The following AGTPBP1 variants were observed in gnomAD, a reference collection of about 807,000 sequenced individuals.
AGTPBP1 encodes the protein ATP/GTP binding carboxypeptidase 1.
In AGTPBP1, 70 loss-of-function variants were observed where a neutral mutation model predicts 143.9. The observed-to-expected ratio is 0.49, with a 90% confidence interval of 0.40 to 0.59. The LOEUF (loss-of-function observed/expected upper bound fraction) is 0.59. AGTPBP1 is among the 20% of genes least tolerant of loss of function. The pLI, the probability that AGTPBP1 is intolerant of heterozygous loss-of-function variation, is 0.00. For missense variants in AGTPBP1, 1,229 were observed against 1,464.5 expected, an observed-to-expected ratio of 0.84 and a Z score of 2.62; for synonymous variants, 463 against 500.2, an observed-to-expected ratio of 0.93 and a Z score of 0.99.
At chr9:85,718,501 CT>C (rs1367125444) in intron 1 of AGTPBP1, among the ~76,000 whole-genome samples, 1 of 152,158 alleles carries the variant, frequency 6.6e-6, no homozygotes, top group African/African-American at 2.4e-5. Context: ...CCTTTGCCCA[CT>C]TTTTGATGGG....
chr9:85,657,343 G>A (rs1349880551), intron 10 of AGTPBP1, 92 bp downstream of exon 10: 25 of 1,112,288 alleles, frequency 2.2e-5, no homozygotes, highest in African/African-American at 3.2e-5. Flanking sequence ...CTGTGTATAC[G>A]TTTCTGAGTA....
the AGTPBP1 span, among the ~76,000 whole-genome samples, chr9:85,756,957 GC>G: frequency 1.5e-5 from 2 of 136,838 alleles, no homozygotes; most frequent in Admixed American, 6.9e-5. Context: ...GGGGGATTGG[GC>G]GGGGGAAATA....
chr9:85,621,956 C>T (rs1564072615), intron 14 of AGTPBP1, among the ~76,000 whole-genome samples: 1 of 152,152 alleles, frequency 6.6e-6, no homozygotes, highest in South Asian at 2.1e-4. Flanking sequence ...AATCTTTACC[C>T]CATCAATATT....
intron 25 of AGTPBP1, among the ~76,000 whole-genome samples, chr9:85,567,743 A>T (rs964785504): frequency 6.6e-6 from 1 of 152,240 alleles, no homozygotes; most frequent in African/African-American, 2.4e-5. Context: ...GAATTTACCT[A>T]GACTGTAGCA....
At chr9:85,594,631 C>T (rs62566900) in intron 18 of AGTPBP1, among the ~76,000 whole-genome samples, 2,519 of 152,154 alleles carry the variant, frequency 0.017, 29 homozygotes, top group Middle Eastern at 0.054. Flanking sequence ...ATACCTCAGG[C>T]TTCAGGAAAA....
chr9:85,712,394 ATAT>A (rs952047779), intron 2 of AGTPBP1, 105 bp downstream of exon 2: 8 of 534,512 alleles, frequency 1.5e-5, no homozygotes, highest in South Asian at 4.3e-5. Context: ...TAAATATAAC[ATAT>A]TATACTTAAA....
Position 85,547,111 on chromosome 9 carries a change from A to G in AGTPBP1, c.3679T>C (p.Ter1227ArgextTer13). The G allele has an allele frequency of 6.3e-7, 1 of 1,599,500 alleles. No homozygotes were observed. The highest frequency in any genetic ancestry group is 2.3e-5 in the East Asian group (1 of 44,218). The stretch of plus-strand genomic sequence containing the variant: ...GTTAACAAGAGATGGCAGCGGGCTC[A>G]AGGTAGGTATGTTCTTGATAATTCA... ...DSELSRTYLP* is the reference protein window; with the variant it reads ...DSELSRTYLPR Residue 1227 changes from the stop codon to arginine, a stop_lost, in exon 26 of 26, where the codon TGA becomes CGA. Coordinates refer to ENST00000357081, the MANE Select transcript of AGTPBP1 (RefSeq NM_001330701.2).
the AGTPBP1 span, among the ~76,000 whole-genome samples, chr9:85,758,554 G>C: frequency 6.6e-6 from 1 of 152,136 alleles, no homozygotes; most frequent in Non-Finnish European, 1.5e-5. Flanking sequence ...TGAGGCAGGA[G>C]AATCACTTGA....
the AGTPBP1 span, among the ~76,000 whole-genome samples, chr9:85,761,228 C>T: frequency 8.3e-4 from 126 of 152,294 alleles, 1 homozygote; most frequent in African/African-American, 8.4e-4. Flanking sequence ...AATGCCATCC[C>T]CATCAAGCTA....
chr9:85,674,513 T>C (rs1834701706), intron 6 of AGTPBP1, among the ~76,000 whole-genome samples: 1 of 152,094 alleles, frequency 6.6e-6, no homozygotes, highest in Non-Finnish European at 1.5e-5. Flanking sequence ...TTTTTTTAAA[T>C]GAATTTTCTG....
chr9:85,648,767 G>A (rs1410335050), intron 11 of AGTPBP1, among the ~76,000 whole-genome samples: 4 of 152,034 alleles, frequency 2.6e-5, no homozygotes, highest in Non-Finnish European at 5.9e-5. Context: ...AGCTGAGATC[G>A]CGCCACTGCA....
intron 23 of AGTPBP1, among the ~76,000 whole-genome samples, chr9:85,581,401 A>G (rs1465682765): frequency 6.6e-6 from 1 of 152,236 alleles, no homozygotes; most frequent in Non-Finnish European, 1.5e-5. Flanking sequence ...ATCCCTACCT[A>G]CATCACAGAG....
intron 2 of AGTPBP1, 138 bp from the exon 3 acceptor site, chr9:85,692,951 CT>C (rs748269373): frequency 3.2e-5 from 29 of 915,772 alleles, no homozygotes; most frequent in Non-Finnish European, 4.7e-5. Flanking sequence ...TTACTCTGTT[CT>C]ATAGCTTAAT....
chr9:85,735,175 C>A (rs757694601), intron 1 of AGTPBP1, among the ~76,000 whole-genome samples: 1 of 152,168 alleles, frequency 6.6e-6, no homozygotes, highest in African/African-American at 2.4e-5. Flanking sequence ...CTGGTATATA[C>A]ATATAACAGA....
chr9:85,749,310 A>G, the AGTPBP1 span, among the ~76,000 whole-genome samples: 1 of 152,184 alleles, frequency 6.6e-6, no homozygotes, highest in African/African-American at 2.4e-5. Context: ...GGGCAATTTT[A>G]TTCCATCTTG....
chr9:85,752,942 G>A, the AGTPBP1 span, among the ~76,000 whole-genome samples: 2 of 152,122 alleles, frequency 1.3e-5, no homozygotes, highest in East Asian at 3.8e-4. Context: ...TTGAGCCCAG[G>A]AGCCTGAGCT....
At chr9:85,803,995 C>G in the AGTPBP1 span, among the ~76,000 whole-genome samples, 1 of 152,132 alleles carries the variant, frequency 6.6e-6, no homozygotes, top group Non-Finnish European at 1.5e-5. Context: ...CTCAACTATG[C>G]TCTTTAAATT....
chr9:85,620,081 C>T (rs1165167130), intron 15 of AGTPBP1, among the ~76,000 whole-genome samples: 4 of 151,950 alleles, frequency 2.6e-5, no homozygotes, highest in Non-Finnish European at 5.9e-5. Context: ...TTTGCTACAG[C>T]TTATACTCTT....
At chr9:85,688,096 TAAAAA>T (rs58523894) in intron 3 of AGTPBP1, among the ~76,000 whole-genome samples, 4 of 34,684 alleles carry the variant, frequency 1.2e-4, no homozygotes, top group African/African-American at 2.8e-4. Flanking sequence ...GTCTCAAAAT[TAAAAA>T]AAAAAAAAAA....
Sources: allele counts gnomAD v4.1 joint callset (sites outside exome capture counted in the v4.1 genomes callset), GRCh38; gene constraint gnomAD v4.1.1; transcripts MANE v1.5; gene names NCBI Gene and HGNC (gene_info 2026-07-23, HGNC 2026-07-21).